The following RDM1 variants were observed in gnomAD, a reference collection of about 807,000 sequenced individuals.
RDM1 encodes RAD52 motif containing 1.
A neutral mutation model predicts 27.7 loss-of-function variants in RDM1; 28 were observed. The observed-to-expected ratio is 1.01, with a 90% CI of 0.75 to 1.39. RDM1 has a LOEUF of 1.39. RDM1 is among the 40% of genes most tolerant of loss of function. The pLI, the probability that RDM1 is intolerant of heterozygous loss-of-function variation, is 0.00. For synonymous variants in RDM1, 124 were observed against 127.5 expected (o/e 0.97, Z 0.19); for missense variants, 277 against 337.3 (o/e 0.82, Z 1.40).
At position 35,920,183 on chromosome 17, in the gene RDM1, A is replaced by G. The variant is rs779363958; in HGVS notation, c.753+4T>C. 6.6e-7 allele frequency: 1 copy of G among 1,507,560 alleles called. No homozygotes were observed. The highest frequency in any genetic ancestry group is 9.2e-7 in the Non-Finnish European group (1 of 1,091,046). 93.4% of individuals were successfully genotyped at this position (1,507,560 alleles called of 1,614,324 possible). A position where few individuals can be genotyped will look rare whatever the true frequency, so the allele number is the denominator to read the frequency against. ...GTTACCCCTGAGTTTTTATCTTCACATACTTGAATTAAACCGTGTAGTTCT... is the reference window on the plus strand; with the variant it reads ...GTTACCCCTGAGTTTTTATCTTCACGTACTTGAATTAAACCGTGTAGTTCT... On this transcript the variant is annotated splice_donor_region_variant and intron_variant, in intron 6 of 6. Coordinates refer to ENST00000620284, the MANE Select transcript of RDM1 (RefSeq NM_145654.4).
intron 6 of RDM1, among the ~76,000 whole-genome samples, chr17:35,918,868 G>T (rs1380133321): frequency 6.6e-6 from 1 of 152,174 alleles, no homozygotes; most frequent in East Asian, 1.9e-4. Flanking sequence ...CTCATTGTCT[G>T]GCACAATCAC....
chr17:35,920,576 C>T (rs2088907392), intron 5 of RDM1, among the ~76,000 whole-genome samples: 1 of 151,616 alleles, frequency 6.6e-6, no homozygotes, highest in South Asian at 2.1e-4. Flanking sequence ...CCCCCTGGCT[C>T]ACCCTCCAGA....
At chr17:35,926,550 C>G (rs549943222) in intron 2 of RDM1, among the ~76,000 whole-genome samples, 1 of 152,156 alleles carries the variant, frequency 6.6e-6, no homozygotes, top group East Asian at 1.9e-4. Flanking sequence ...ACTACAGGCA[C>G]CTGCCACCAC....
intron 2 of RDM1, among the ~76,000 whole-genome samples, chr17:35,926,438 C>G (rs1316432391): frequency 6.6e-6 from 1 of 151,798 alleles, no homozygotes; most frequent in African/African-American, 2.4e-5. Context: ...GAGTCTCGCT[C>G]TGTCACCCAG....
rs2089111380 is a variant in RDM1 at position 35,925,479 on chromosome 17, G to C, written c.399+36C>G. The C allele has an allele frequency of 3.1e-6, 5 of 1,608,774 alleles. No homozygotes were observed. In the African/African-American group the frequency reaches 6.7e-5, roughly 22 times the overall value. ...ATCTAGGATTTCAATGTTGAAAGGA[G>C]AGTGTGGTAAGTGAAAAAAAATCTA... On this transcript the variant is annotated intron_variant, in intron 3 of 6. Transcript: ENST00000620284.
In RDM1 at chr17:35,925,514, C is replaced by G. The variant is rs956760811; in HGVS notation, c.399+1G>C. 6.2e-7 allele frequency: 1 copy of G among 1,612,650 alleles called. No homozygotes were observed. Among genetic ancestry groups the G allele is most frequent in the African/African-American group, 1.3e-5 (1 of 74,862 alleles). ...AGTGAAAAAAAATCTACAAGGTTTACCTTGATGATCCTTTTGGAACACCCA... is the reference window on the plus strand; with the variant it reads ...AGTGAAAAAAAATCTACAAGGTTTAGCTTGATGATCCTTTTGGAACACCCA... On this transcript the variant is annotated splice_donor_variant, in intron 3 of 6. Coordinates refer to ENST00000620284, the MANE Select transcript of RDM1 (RefSeq NM_145654.4). LOFTEE classifies it high-confidence loss of function.
chr17:35,923,349 C>CAAAA (rs1013511994), intron 4 of RDM1, among the ~76,000 whole-genome samples: 4 of 47,234 alleles, frequency 8.5e-5, no homozygotes, highest in African/African-American at 2.5e-4. Context: ...GATTCTGTCT[C>CAAAA]AAAAAAAAAA....
In RDM1 at chr17:35,930,621, C is replaced by G. The variant is rs753205627; in HGVS notation, c.96+11G>C. On this transcript the variant is annotated intron_variant, in intron 1 of 6. Transcript: ENST00000620284. ...TTCTCCATCCCTCCCTCCATCCTGGCCCCGGCTCACATGCAAAGCCTCGGC... is the reference window on the plus strand; with the variant it reads ...TTCTCCATCCCTCCCTCCATCCTGGGCCCGGCTCACATGCAAAGCCTCGGC... 6.2e-7 allele frequency: 1 copy of G among 1,610,680 alleles called. No individual in the cohort carries two copies. The highest frequency in any genetic ancestry group is 1.1e-5 in the South Asian group (1 of 90,884).
Position 35,924,722 on chromosome 17 carries a change from C to G in RDM1, c.450G>C (p.Val150=), listed in dbSNP as rs2089073545. The G allele has an allele frequency of 1.2e-6, 2 of 1,614,022 alleles. No homozygotes were observed. Among genetic ancestry groups the G allele is most frequent in the African/African-American group, 2.7e-5 (2 of 74,916 alleles). Reference sequence around the variant, plus strand: ...ACTTCAGGCTTTGCTTCGGAAGTGGCACCATGCTATCTTCATTTTCCCTTT... The same window carrying G: ...ACTTCAGGCTTTGCTTCGGAAGTGGGACCATGCTATCTTCATTTTCCCTTT... ...LEERENEDSM[V]PLPKQSLKFF... The change falls in exon 4 of 7, where the codon GTG becomes GTC. Residue 150 remains valine, a synonymous_variant. Transcript: ENST00000620284.
chr17:35,919,168 T>C (rs915221109), intron 6 of RDM1, among the ~76,000 whole-genome samples: 1 of 152,064 alleles, frequency 6.6e-6, no homozygotes, highest in Non-Finnish European at 1.5e-5. Flanking sequence ...AACTTTGGGG[T>C]GAAAGTTAAA....
At chr17:35,922,849 A>G (rs1425438289) in intron 4 of RDM1, among the ~76,000 whole-genome samples, 174 bp from the exon 5 acceptor site, 1 of 152,158 alleles carries the variant, frequency 6.6e-6, no homozygotes, top group African/African-American at 2.4e-5. Context: ...GGCAGGGCCC[A>G]TTTTTACTAC....
chr17:35,926,552 T>C (rs938115198), intron 2 of RDM1, among the ~76,000 whole-genome samples: 12 of 152,078 alleles, frequency 7.9e-5, no homozygotes, highest in Non-Finnish European at 1.5e-4. Context: ...TACAGGCACC[T>C]GCCACCACGC....
intron 5 of RDM1, 119 bp downstream of exon 5, chr17:35,922,458 A>C (rs1441383654): frequency 1.4e-5 from 18 of 1,245,872 alleles, no homozygotes; most frequent in Non-Finnish European, 1.9e-5. Flanking sequence ...TAATTTAGCA[A>C]ATGAAAGCAT....
rs571525457 is a variant in RDM1 at position 35,920,326 on chromosome 17, C to A, written c.668-54G>T. Reference sequence around the variant, plus strand: ...AGAATCTTTTTCATTCTAAAACTTCCTGCATATAATGGTAGCACCCCATGA... The same window carrying A: ...AGAATCTTTTTCATTCTAAAACTTCATGCATATAATGGTAGCACCCCATGA... On this transcript the variant is annotated intron_variant, in intron 5 of 6. Transcript: ENST00000620284. The A allele has an allele frequency of 6.7e-6, 6 of 897,258 alleles. No individual in the cohort carries two copies. The Admixed American group carries it at 1.0e-4, about 16-fold the overall frequency. The allele number at this position is 897,258 out of a possible 1,614,324, so 55.6% of individuals were successfully genotyped here.
chr17:35,922,291 T>G (rs2088970714), intron 5 of RDM1: 1 of 392,048 alleles, frequency 2.6e-6, no homozygotes, highest in Admixed American at 4.4e-5. Context: ...TAATCACTAT[T>G]CTGTATGATA....
chr17:35,921,005 G>T (rs1227087065), intron 5 of RDM1, among the ~76,000 whole-genome samples: 2 of 152,108 alleles, frequency 1.3e-5, no homozygotes, highest in African/African-American at 4.8e-5. Context: ...GTCTACTCAG[G>T]TGTCTACTCC....
intron 2 of RDM1, among the ~76,000 whole-genome samples, chr17:35,926,225 G>A (rs766948624): frequency 6.6e-5 from 10 of 151,700 alleles, no homozygotes; most frequent in African/African-American, 9.7e-5. Flanking sequence ...CTTTGAGAAC[G>A]CAAATATCTA....
At chr17:35,919,308 T>C (rs1206688542) in intron 6 of RDM1, among the ~76,000 whole-genome samples, 1 of 152,236 alleles carries the variant, frequency 6.6e-6, no homozygotes, top group African/African-American at 2.4e-5. Flanking sequence ...TTAATCCCTA[T>C]TTAAGAGCTT....
chr17:35,925,933 G>A (rs866992332), intron 2 of RDM1, among the ~76,000 whole-genome samples: 1 of 152,056 alleles, frequency 6.6e-6, no homozygotes, highest in Non-Finnish European at 1.5e-5. Context: ...AGGATATCGA[G>A]ACCATCCTGG....
Sources: allele counts gnomAD v4.1 joint callset (sites outside exome capture counted in the v4.1 genomes callset), GRCh38; gene constraint gnomAD v4.1.1; transcripts MANE v1.5; gene names NCBI Gene and HGNC (gene_info 2026-07-23, HGNC 2026-07-21).